The following TMTC2 variants were observed in gnomAD, a reference collection of about 807,000 sequenced individuals.
TMTC2 encodes the protein transmembrane O-mannosyltransferase targeting cadherins 2.
Under a neutral mutation model 82.4 loss-of-function variants are expected in TMTC2, and 43 were observed. That is an observed-to-expected ratio of 0.52 (90% CI 0.41 to 0.67). TMTC2 has a LOEUF of 0.67. TMTC2 is among the 30% of genes least tolerant of loss of function. The pLI is 0.00. For missense variants in TMTC2, 919 were observed against 1,012.4 expected, an observed-to-expected ratio of 0.91 and a Z score of 1.25; for synonymous variants, 408 against 381.9, an observed-to-expected ratio of 1.07 and a Z score of -0.80.
intron 3 of TMTC2, among the ~76,000 whole-genome samples, chr12:82,897,827 T>C (rs553191933): frequency 6.6e-6 from 1 of 152,224 alleles, no homozygotes; most frequent in African/African-American, 2.4e-5. Flanking sequence ...ACCTGGCCTA[T>C]TTTTATTCTT....
At chr12:83,088,060 G>A (rs1272247412) in intron 11 of TMTC2, among the ~76,000 whole-genome samples, 1 of 152,220 alleles carries the variant, frequency 6.6e-6, no homozygotes, top group African/African-American at 2.4e-5. Flanking sequence ...ATCTTAGCTA[G>A]ATCTTCAAGA....
chr12:82,962,901 C>T lies in TMTC2; in HGVS notation c.1599-2123C>T, dbSNP rs570074110. Among the ~76,000 whole-genome samples the T allele has an allele frequency of 3.3e-5, 5 of 152,022 alleles. No individual in the cohort carries two copies. In the East Asian group the frequency reaches 7.7e-4, roughly 24 times the overall value. On this transcript the variant is annotated intron_variant, in intron 4 of 11. Transcript: ENST00000321196. ...ATGAATAAAGAGACATTTTCTTTTT[C>T]ATTCTGTGTAGGAGGGTCTCAAGAA...
At position 82,985,560 on chromosome 12, in the gene TMTC2, T is replaced by A. The variant is rs559206832; in HGVS notation, c.1949-365T>A. On this transcript the variant is annotated intron_variant, in intron 7 of 11. Transcript: ENST00000321196. ...ATAAATACTTGAATTTCTAAAGGAATAAATGAATATGAATAAAAAAGAACA... is the reference window on the plus strand; with the variant it reads ...ATAAATACTTGAATTTCTAAAGGAAAAAATGAATATGAATAAAAAAGAACA... Among the ~76,000 whole-genome samples the A allele has an allele frequency of 3.3e-5, 5 of 151,856 alleles. No individual in the cohort carries two copies. The South Asian group carries it at 1.0e-3, about 32-fold the overall frequency.
chr12:82,963,631 C>G lies in TMTC2; in HGVS notation c.1599-1393C>G, dbSNP rs1592660557. Among the ~76,000 whole-genome samples, 4 of 149,848 alleles carry G rather than the reference C, an allele frequency of 2.7e-5. No individual in the cohort carries two copies. The South Asian group carries it at 8.5e-4, about 32-fold the overall frequency. On this transcript the variant is annotated intron_variant, in intron 4 of 11. Transcript: ENST00000321196. ...ATTCCTTTTTAAAAATTTTTTCATC[C>G]TCTTTATCAATTTTACCCATGTTTG...
intron 3 of TMTC2, among the ~76,000 whole-genome samples, chr12:82,903,908 A>G (rs1392976714): frequency 1.3e-5 from 2 of 152,180 alleles, no homozygotes; most frequent in African/African-American, 4.8e-5. Flanking sequence ...TGCCTTTGAT[A>G]TGCCAGGTAG....
At chr12:82,782,828 T>C (rs1379161877) in intron 1 of TMTC2, among the ~76,000 whole-genome samples, 1 of 152,120 alleles carries the variant, frequency 6.6e-6, no homozygotes, top group East Asian at 1.9e-4. Context: ...TACTTCTAAG[T>C]AGCCTCTTTA....
intron 8 of TMTC2, among the ~76,000 whole-genome samples, chr12:83,009,497 C>G (rs1880357723): frequency 6.6e-6 from 1 of 152,176 alleles, no homozygotes. Flanking sequence ...TCTCCTTTCT[C>G]TCCACATTGT....
intron 11 of TMTC2, among the ~76,000 whole-genome samples, chr12:83,105,515 G>A (rs1884363814): frequency 6.6e-6 from 1 of 152,182 alleles, no homozygotes; most frequent in Non-Finnish European, 1.5e-5. Flanking sequence ...GATGAAGCAG[G>A]AGTTGGCACT....
At position 83,114,260 on chromosome 12, in the gene TMTC2, TA is replaced by T. The variant is rs140864860; in HGVS notation, c.2332-17940del. Among the ~76,000 whole-genome samples, 729 of 149,122 alleles carry T rather than the reference TA, an allele frequency of 4.9e-3. 4 individuals carry two copies. Among genetic ancestry groups the T allele is most frequent in the African/African-American group, 0.017 (695 of 40,710 alleles). On this transcript the variant is annotated intron_variant, in intron 11 of 11. Transcript: ENST00000321196. Reference sequence around the variant, plus strand: ...GCTCAAGATGCGAGTAAATCCCTTGTAAAAAAAAAATAGTAAGAGGAAACAC... The same window carrying T: ...GCTCAAGATGCGAGTAAATCCCTTGTAAAAAAAAATAGTAAGAGGAAACAC...
chr12:82,895,671 A>T (rs1873624979), intron 2 of TMTC2, 147 bp from the exon 3 acceptor site: 1 of 616,342 alleles, frequency 1.6e-6, no homozygotes, highest in Non-Finnish European at 2.6e-6. Flanking sequence ...CGTGCTTGAA[A>T]GGTGATGGAC....
intron 1 of TMTC2, among the ~76,000 whole-genome samples, chr12:82,820,138 A>G (rs1034635360): frequency 1.3e-5 from 2 of 152,138 alleles, no homozygotes; most frequent in African/African-American, 4.8e-5. Flanking sequence ...TAGTCTTTCC[A>G]TGTTCTTCTG....
At chr12:82,975,092 CTTTGT>C (rs1179711053) in intron 7 of TMTC2, among the ~76,000 whole-genome samples, 1 of 152,076 alleles carries the variant, frequency 6.6e-6, no homozygotes, top group African/African-American at 2.4e-5. Context: ...TTCAGAAAGG[CTTTGT>C]TTCCATGATA....
chr12:82,997,746 T>G (rs1324743983), intron 8 of TMTC2, among the ~76,000 whole-genome samples: 2 of 151,752 alleles, frequency 1.3e-5, no homozygotes, highest in African/African-American at 4.8e-5. Context: ...CAAAATATAT[T>G]CCACGTAATA....
At chr12:82,732,345 C>G (rs1185511477) in intron 1 of TMTC2, among the ~76,000 whole-genome samples, 1 of 151,744 alleles carries the variant, frequency 6.6e-6, no homozygotes, top group Non-Finnish European at 1.5e-5. Context: ...TGGTTCTCAT[C>G]ATGTTTTTTT....
At chr12:83,088,397 C>G (rs1013028092) in intron 11 of TMTC2, among the ~76,000 whole-genome samples, 1 of 152,172 alleles carries the variant, frequency 6.6e-6, no homozygotes. Context: ...ACTTTGCTAA[C>G]TATTTGATAC....
intron 8 of TMTC2, among the ~76,000 whole-genome samples, chr12:83,018,015 A>G (rs1371961904): frequency 9.5e-6 from 1 of 104,830 alleles, no homozygotes; most frequent in Non-Finnish European, 2.0e-5. Context: ...TATATATAAT[A>G]TATATATAGT....
intron 8 of TMTC2, among the ~76,000 whole-genome samples, chr12:83,009,762 CACCAGGG>C (rs1412731523): frequency 6.6e-6 from 1 of 152,140 alleles, no homozygotes; most frequent in Non-Finnish European, 1.5e-5. Context: ...TCCTTTTTGG[CACCAGGG>C]ACCAGTTTAA....
intron 1 of TMTC2, among the ~76,000 whole-genome samples, 173 bp from the exon 2 acceptor site, chr12:82,856,837 G>A (rs61929558): frequency 2.1e-4 from 32 of 152,178 alleles, no homozygotes; most frequent in African/African-American, 7.7e-4. Context: ...CCCTCATTGT[G>A]GTTTTAGTAA....
At chr12:82,845,226 C>CAAAAAAAAAAAAAAAA (rs66859423) in intron 1 of TMTC2, among the ~76,000 whole-genome samples, 1 of 45,562 alleles carries the variant, frequency 2.2e-5, no homozygotes, top group Non-Finnish European at 3.5e-5. Context: ...GTGACTGTCT[C>CAAAAAAAAAAAAAAAA]AAAAAAAAAA....
Sources: gnomAD v4.1 joint callset for allele counts (sites outside exome capture counted in the v4.1 genomes callset) on GRCh38, gnomAD v4.1.1 for gene constraint, MANE v1.5 for transcripts, NCBI Gene and HGNC (gene_info 2026-07-23, HGNC 2026-07-21) for gene names.